NAV2: variants seen among roughly 807,000 people sequenced by gnomAD.
NAV2 encodes the protein helicase, APC down-regulated 1.
A neutral mutation model predicts 223.2 loss-of-function variants in NAV2; 54 were observed. That is an observed-to-expected ratio of 0.24 (90% CI 0.19 to 0.30). NAV2 has a LOEUF of 0.30. Ranked by LOEUF, NAV2 falls within the 10% of genes least tolerant of loss-of-function variation. The pLI, the probability that NAV2 is intolerant of heterozygous loss-of-function variation, is 1.00. For synonymous variants in NAV2, 1,279 were observed against 1,239.3 expected, an observed-to-expected ratio of 1.03 and a Z score of -0.67; for missense variants, 2,806 against 3,147.5, an observed-to-expected ratio of 0.89 and a Z score of 2.60.
chr11:19,723,880 G>A (rs2050991070), intron 1 of NAV2, among the ~76,000 whole-genome samples: 1 of 152,202 alleles, frequency 6.6e-6, no homozygotes, highest in Admixed American at 6.5e-5. Context: ...ACCTGGGAGT[G>A]ACTCATGTTT....
chr11:19,945,002 T>TTTTCC (rs1054045057), intron 8 of NAV2, among the ~76,000 whole-genome samples: 1 of 149,456 alleles, frequency 6.7e-6, no homozygotes, highest in African/African-American at 2.5e-5. Flanking sequence ...TCCATTTCCA[T>TTTTCC]TTTCCTTTCC....
chr11:20,048,657 A>G (rs1478917185), intron 14 of NAV2, 71 bp from the exon 15 acceptor site: 1 of 1,307,632 alleles, frequency 7.6e-7, no homozygotes, highest in East Asian at 2.3e-5. Flanking sequence ...CCTCTGCCCT[A>G]CCCTTCTTTA....
At chr11:19,914,778 T>C (rs2043650735) in intron 6 of NAV2, among the ~76,000 whole-genome samples, 1 of 151,748 alleles carries the variant, frequency 6.6e-6, no homozygotes, top group African/African-American at 2.4e-5. Context: ...TCTCCTGACC[T>C]CATGATCCAC....
intron 1 of NAV2, among the ~76,000 whole-genome samples, chr11:19,826,703 G>A (rs1445217795): frequency 6.6e-6 from 1 of 152,196 alleles, no homozygotes; most frequent in African/African-American, 2.4e-5. Context: ...AATGATCCTT[G>A]TGAAATGGTT....
intron 22 of NAV2, among the ~76,000 whole-genome samples, chr11:20,075,287 A>C (rs2059660453): frequency 6.6e-6 from 1 of 150,712 alleles, no homozygotes; most frequent in African/African-American, 2.5e-5. Flanking sequence ...GCAGTGGCAC[A>C]ATCTTGGCTC....
intron 1 of NAV2, among the ~76,000 whole-genome samples, chr11:19,658,957 C>G (rs921071771): frequency 6.6e-6 from 1 of 152,162 alleles, no homozygotes; most frequent in Admixed American, 6.5e-5. Context: ...AAAACGAAAT[C>G]AGCAAAACAT....
chr11:19,496,037 A>AG, intron 1 of NAV2, among the ~76,000 whole-genome samples: 1 of 152,318 alleles, frequency 6.6e-6, no homozygotes, highest in Middle Eastern at 3.4e-3. Flanking sequence ...AGAGTGCAGG[A>AG]GGCTTCCAGA....
intron 14 of NAV2, among the ~76,000 whole-genome samples, chr11:20,046,268 G>A (rs1379022074): frequency 2.0e-5 from 3 of 151,686 alleles, no homozygotes; most frequent in South Asian, 4.2e-4. Context: ...CCCAGGAGGC[G>A]GAGGTTGCAG....
chr11:19,631,872 C>T (rs550660653), intron 1 of NAV2, among the ~76,000 whole-genome samples: 8 of 152,214 alleles, frequency 5.3e-5, no homozygotes, highest in African/African-American at 1.7e-4. Flanking sequence ...AATTAGCCAT[C>T]GTCTTCCCAG....
Position 19,423,218 on chromosome 11 carries a change from C to T in NAV2, c.75+72191C>T, listed in dbSNP as rs897366162. On this transcript the variant is annotated intron_variant, in intron 1 of 37. Coordinates refer to the NAV2 transcript ENST00000360655. ...ACCAAATCTCTTTGAGCTTTTGTAT[C>T]TTTAACCTTTATACAGTGACAGTGT... Among the ~76,000 whole-genome samples, 58 of 152,180 alleles carry T rather than the reference C, an allele frequency of 3.8e-4. 1 individual carries two copies. The highest frequency in any genetic ancestry group is 1.4e-3 in the African/African-American group (56 of 41,446).
At chr11:19,408,547 C>T (rs1850000495) in intron 1 of NAV2, among the ~76,000 whole-genome samples, 2 of 152,162 alleles carry the variant, frequency 1.3e-5, no homozygotes, top group African/African-American at 4.8e-5. Context: ...AACTCATTAC[C>T]CTCCATCCTC....
At chr11:19,498,318 A>G (rs1173886232) in intron 1 of NAV2, among the ~76,000 whole-genome samples, 1 of 152,218 alleles carries the variant, frequency 6.6e-6, no homozygotes, top group Non-Finnish European at 1.5e-5. Flanking sequence ...GTTGGTCCCC[A>G]AAAGGGGGAG....
At position 20,105,527 on chromosome 11, in the gene NAV2, C is replaced by G; in HGVS notation, c.6645-4C>G. On this transcript the variant is annotated splice_polypyrimidine_tract_variant and splice_region_variant and intron_variant, in intron 34 of 37. Transcript: ENST00000349880. Reference sequence around the variant, plus strand: ...GCTTGAAAAGTGTTTCTGACTTCCTCCAGATGGGTGCTTTGTGCCAACCAC... The same window carrying G: ...GCTTGAAAAGTGTTTCTGACTTCCTGCAGATGGGTGCTTTGTGCCAACCAC... 2.5e-6 allele frequency: 4 copies of G among 1,610,420 alleles called. No individual in the cohort carries two copies. The South Asian group carries it at 4.4e-5, about 18-fold the overall frequency.
At chr11:20,040,075 G>A (rs1037809052) in intron 12 of NAV2, among the ~76,000 whole-genome samples, 30 of 152,208 alleles carry the variant, frequency 2.0e-4, no homozygotes, top group African/African-American at 7.0e-4. Context: ...CAGGATGTAT[G>A]TGGAGGGACA....
At chr11:19,421,498 A>C (rs1293120600) in intron 1 of NAV2, among the ~76,000 whole-genome samples, 1 of 152,230 alleles carries the variant, frequency 6.6e-6, no homozygotes, top group East Asian at 1.9e-4. Context: ...TGTTGCATAT[A>C]AGGAAGGAAT....
rs1336942177 is a variant in NAV2, at chr11:20,022,453, T to C, written c.2769-13506T>C. ...AATTAATGCATATTTTTGTTGGCAC[T>C]GCATCAAAATTGACATCACCGGAAA... On this transcript the variant is annotated intron_variant, in intron 11 of 37. Transcript: ENST00000349880. 3 of 697,410 alleles carry C rather than the reference T, an allele frequency of 4.3e-6. No homozygotes were observed. The East Asian group carries it at 4.0e-4, about 93-fold the overall frequency. 43.2% of individuals were successfully genotyped at this position (697,410 alleles called of 1,614,324 possible).
At chr11:19,587,692 A>G (rs1220856734) in intron 1 of NAV2, among the ~76,000 whole-genome samples, 1 of 152,222 alleles carries the variant, frequency 6.6e-6, no homozygotes, top group African/African-American at 2.4e-5. Flanking sequence ...AAAGTAAGCA[A>G]TGGAGCTACA....
chr11:20,078,082 C>A lies in NAV2; in HGVS notation c.5157C>A (p.Asn1719Lys). ...AAQAAINGVI[N>K]TPELNCKGNG... ...AGGCTGCCATTAATGGAGTAATTAA[C>A]ACACCTGAGCTCAACTGCAAAGGTA... Residue 1719 changes from asparagine to lysine, a missense_variant, in exon 24 of 38, where the codon AAC becomes AAA. By Grantham distance (94) the Asn-to-Lys change is moderately conservative. Around this residue, in one of 4 missense-constraint regions of NAV2, gnomAD observed 824 missense variants for 1,069.4 expected, o/e 0.77. Transcript: ENST00000349880. 1 of 1,613,336 alleles carries A rather than the reference C, an allele frequency of 6.2e-7. No homozygotes were observed. The highest frequency in any genetic ancestry group is 8.5e-7 in the Non-Finnish European group (1 of 1,179,614).
In NAV2 at chr11:19,456,024, C is replaced by T. The variant is rs772488145; in HGVS notation, c.75+104997C>T. Among the ~76,000 whole-genome samples the T allele has an allele frequency of 3.3e-5, 5 of 152,138 alleles. No individual in the cohort carries two copies. The South Asian group carries it at 6.2e-4, about 19-fold the overall frequency. ...AGAGGGGGAGGGAAGGAGGCCAAGC[C>T]AGGCAGCACTAGCTTCTTCTGCTAT... On this transcript the variant is annotated intron_variant, in intron 1 of 37. Coordinates refer to the NAV2 transcript ENST00000360655.
Sources: gnomAD v4.1 joint callset for allele counts (sites outside exome capture counted in the v4.1 genomes callset) on GRCh38, gnomAD v4.1.1 for gene constraint, gnomAD v4.1.1 regional missense constraint, MANE v1.5 for transcripts, NCBI Gene and HGNC (gene_info 2026-07-23, HGNC 2026-07-21) for gene names.